COL13A1: variants seen among roughly 807,000 people sequenced by gnomAD.
COL13A1 encodes the protein collagen alpha-1(XIII) chain.
A neutral mutation model predicts 130.9 loss-of-function variants in COL13A1; 89 were observed. The observed-to-expected ratio is 0.68, with a 90% confidence interval of 0.57 to 0.81. The LOEUF is 0.81. Ranked by LOEUF, COL13A1 falls within the 30% of genes least tolerant of loss-of-function variation. COL13A1 has a pLI of 0.00. For missense variants in COL13A1, 879 were observed against 934.6 expected (o/e 0.94, Z 0.78); for synonymous variants, 402 against 341.6 (o/e 1.18, Z -1.95).
chr10:69,860,700 T>C (rs1209457453), intron 2 of COL13A1: 2 of 279,296 alleles, frequency 7.2e-6, no homozygotes, highest in Non-Finnish European at 1.4e-5. Context: ...AGGTCCCCCA[T>C]GCCCTCCTTG....
At chr10:69,813,581 C>A (rs143573325) in intron 1 of COL13A1, among the ~76,000 whole-genome samples, 3 of 152,088 alleles carry the variant, frequency 2.0e-5, no homozygotes, top group African/African-American at 7.2e-5. Context: ...GTCCACTGCA[C>A]GAAGAGAACT....
intron 25 of COL13A1, 59 bp downstream of exon 25, chr10:69,925,066 T>C: frequency 6.9e-7 from 1 of 1,446,482 alleles, no homozygotes; most frequent in South Asian, 1.5e-5. Flanking sequence ...CAAAAAAGCA[T>C]CTGAGACAGG....
chr10:69,845,977 G>T (rs1852925852), intron 2 of COL13A1, among the ~76,000 whole-genome samples: 1 of 152,282 alleles, frequency 6.6e-6, no homozygotes, highest in Non-Finnish European at 1.5e-5. Flanking sequence ...GGCAGGGACA[G>T]GGATAGTGCC....
intron 34 of COL13A1, 52 bp downstream of exon 34, chr10:69,937,767 G>C (rs976569404): frequency 1.2e-6 from 1 of 804,178 alleles, no homozygotes; most frequent in African/African-American, 1.7e-5. Context: ...CCAGGGGTGT[G>C]GGCTGGGACT....
At chr10:69,846,766 C>T (rs12146342) in intron 2 of COL13A1, among the ~76,000 whole-genome samples, 10,882 of 152,280 alleles carry the variant, frequency 0.071, 515 homozygotes, top group Middle Eastern at 0.18. Flanking sequence ...CCGGGAGGGA[C>T]CAAATCCCCA....
chr10:69,802,769 G>T, intron 1 of COL13A1, 52 bp downstream of exon 1: 2 of 1,601,840 alleles, frequency 1.2e-6, no homozygotes, highest in South Asian at 2.2e-5. Context: ...GCCCCCTCGC[G>T]CAGCCTCCAG....
intron 4 of COL13A1, 26 bp from the exon 5 acceptor site, chr10:69,875,098 TCTGA>T: frequency 6.2e-7 from 1 of 1,613,968 alleles, no homozygotes; most frequent in Non-Finnish European, 8.5e-7. Context: ...TCCAACCACA[TCTGA>T]CTGTTTCTGC....
At chr10:69,809,741 G>T (rs984600353) in intron 1 of COL13A1, among the ~76,000 whole-genome samples, 1 of 152,254 alleles carries the variant, frequency 6.6e-6, no homozygotes, top group Non-Finnish European at 1.5e-5. Flanking sequence ...CTGCCTTGGC[G>T]TCAGGGCCGT....
At chr10:69,855,783 G>GGGATGCAAGAGGGAA (rs1856280163) in intron 2 of COL13A1, among the ~76,000 whole-genome samples, 1 of 152,100 alleles carries the variant, frequency 6.6e-6, no homozygotes, top group African/African-American at 2.4e-5. Flanking sequence ...GAAGGGGGGA[G>GGGATGCAAGAGGGAA]GGATGCAAGA....
chr10:69,867,679 T>G, intron 2 of COL13A1, 119 bp from the exon 3 acceptor site: 3 of 659,958 alleles, frequency 4.5e-6, no homozygotes, highest in Non-Finnish European at 8.4e-6. Context: ...AAGACAAACT[T>G]CGAAGACCAG....
intron 1 of COL13A1, among the ~76,000 whole-genome samples, chr10:69,813,139 G>C (rs1396140608): frequency 6.6e-6 from 1 of 152,218 alleles, no homozygotes; most frequent in African/African-American, 2.4e-5. Context: ...TTTGTGAAAG[G>C]CAGGAAAGGA....
chr10:69,902,962 G>A (rs1367129142), intron 15 of COL13A1, 107 bp downstream of exon 15: 7 of 832,284 alleles, frequency 8.4e-6, no homozygotes, highest in Non-Finnish European at 1.3e-5. Flanking sequence ...GAAATGCCTT[G>A]GCAGGGCCAT....
chr10:69,835,558 G>A (rs1376533028), intron 2 of COL13A1, among the ~76,000 whole-genome samples: 1 of 152,142 alleles, frequency 6.6e-6, no homozygotes, highest in Non-Finnish European at 1.5e-5. Context: ...CCTCTTCACT[G>A]CACCCTCCCA....
Position 69,802,599 on chromosome 10 carries a change from T to G in COL13A1, c.176T>G (p.Leu59Arg). 1 of 1,612,700 alleles carries G rather than the reference T, an allele frequency of 6.2e-7. No homozygotes were observed. Among genetic ancestry groups the G allele is most frequent in the Middle Eastern group, 1.8e-4 (1 of 5,666 alleles). The change falls in exon 1 of 41, where the codon CTG (leucine) becomes CGG (arginine). Residue 59 changes from leucine to arginine, a missense_variant. By Grantham distance (102) the Leu-to-Arg change is moderately radical. This residue lies in a region of COL13A1 where 715 missense variants were observed against 721.0 expected (regional missense o/e 0.99). Transcript: ENST00000645393. ...TLALCSLALS[L>R]LAHFRTAELQ... is the part of the protein sequence containing the mutation. ...GCCCTCTGCTCGCTGGCACTCAGCC[T>G]GCTCGCCCACTTTCGGACGGCCGAG...
At chr10:69,844,241 T>A (rs1385006466) in intron 2 of COL13A1, among the ~76,000 whole-genome samples, 1 of 152,178 alleles carries the variant, frequency 6.6e-6, no homozygotes, top group African/African-American at 2.4e-5. Context: ...GCCAGCTCAG[T>A]GTGGCTGTCC....
chr10:69,833,690 A>C (rs1849342909), intron 2 of COL13A1, among the ~76,000 whole-genome samples: 1 of 152,230 alleles, frequency 6.6e-6, no homozygotes. Flanking sequence ...GTGCATGAGG[A>C]CATTTTAAAA....
intron 2 of COL13A1, among the ~76,000 whole-genome samples, chr10:69,861,739 T>C (rs535670991): frequency 6.6e-6 from 1 of 152,318 alleles, no homozygotes; most frequent in South Asian, 2.1e-4. Flanking sequence ...TTGCAAAGAA[T>C]TGTGAAACCT....
chr10:69,806,946 G>T (rs1163450004), intron 1 of COL13A1, among the ~76,000 whole-genome samples: 5 of 152,196 alleles, frequency 3.3e-5, no homozygotes, highest in African/African-American at 1.2e-4. Flanking sequence ...GGCGAAGTTT[G>T]CAGTGAGCTG....
intron 1 of COL13A1, among the ~76,000 whole-genome samples, chr10:69,805,769 G>C (rs1041796968): frequency 6.6e-6 from 1 of 152,220 alleles, no homozygotes; most frequent in Admixed American, 6.5e-5. Context: ...TCTGAGCAAA[G>C]GTCTGAGCAA....
Sources: gnomAD v4.1 joint callset for allele counts (sites outside exome capture counted in the v4.1 genomes callset) on GRCh38, gnomAD v4.1.1 for gene constraint, gnomAD v4.1.1 regional missense constraint, MANE v1.5 for transcripts, NCBI Gene and HGNC (gene_info 2026-07-23, HGNC 2026-07-21) for gene names.